APC: variants seen among roughly 807,000 people sequenced by gnomAD.
APC encodes the protein adenomatous polyposis coli protein.
A neutral mutation model predicts 247.0 loss-of-function variants in APC; 72 were observed. That is an observed-to-expected ratio of 0.29 (90% CI 0.24 to 0.35). The LOEUF is 0.35. APC is among the 10% of genes least tolerant of loss of function. APC has a pLI of 1.00. For synonymous variants in APC, 1,254 were observed against 1,162.5 expected, an observed-to-expected ratio of 1.08 and a Z score of -1.60; for missense variants, 3,400 against 3,360.7, an observed-to-expected ratio of 1.01 and a Z score of -0.29.
intron 1 of APC, among the ~76,000 whole-genome samples, chr5:112,744,961 T>G (rs889312447): frequency 6.6e-5 from 10 of 152,164 alleles, no homozygotes; most frequent in African/African-American, 1.9e-4. Context: ...AACTCAAAAA[T>G]GAGTAACACC....
intron 1 of APC, among the ~76,000 whole-genome samples, chr5:112,716,044 T>C (rs1751153134): frequency 1.3e-5 from 2 of 152,186 alleles, no homozygotes; most frequent in Non-Finnish European, 2.9e-5. Context: ...ATCAGTAGTC[T>C]TTCCAGAGAA....
intron 1 of APC, among the ~76,000 whole-genome samples, chr5:112,709,731 A>G (rs1750739808): frequency 6.6e-6 from 1 of 152,012 alleles, no homozygotes; most frequent in African/African-American, 2.4e-5. Flanking sequence ...GCAAAGCCTC[A>G]TCTGTACAAA....
chr5:112,789,857 AT>A (rs71626674), intron 6 of APC, among the ~76,000 whole-genome samples: 10,104 of 147,210 alleles, frequency 0.069, 671 homozygotes, highest in African/African-American at 0.17. Flanking sequence ...CTTAAAGAAT[AT>A]TTTTTTTTTT....
chr5:112,761,012 T>C (rs559655256), intron 2 of APC, among the ~76,000 whole-genome samples: 1 of 152,276 alleles, frequency 6.6e-6, no homozygotes. Flanking sequence ...GGTTTCACTG[T>C]GTTAGCCAGG....
intron 4 of APC, among the ~76,000 whole-genome samples, chr5:112,768,372 A>G (rs1756609329): frequency 6.6e-6 from 1 of 151,904 alleles, no homozygotes; most frequent in East Asian, 1.9e-4. Context: ...CCAAAAAAAA[A>G]AAAAGAAAAA....
upstream of APC, among the ~76,000 whole-genome samples, chr5:112,734,182 G>C (rs1355547431): frequency 6.6e-6 from 1 of 152,168 alleles, no homozygotes; most frequent in African/African-American, 2.4e-5. Context: ...GACAGAGCAA[G>C]ACCTCGTCCC....
chr5:112,791,032 CATAT>C (rs1759527863), intron 6 of APC, among the ~76,000 whole-genome samples: 2 of 152,098 alleles, frequency 1.3e-5, no homozygotes, highest in African/African-American at 4.8e-5. Context: ...GTTTTTAAAA[CATAT>C]GTGTTTGATT....
At chr5:112,715,569 T>G (rs952138220) in intron 1 of APC, among the ~76,000 whole-genome samples, 1 of 152,180 alleles carries the variant, frequency 6.6e-6, no homozygotes, top group Non-Finnish European at 1.5e-5. Context: ...TTGTGTATAG[T>G]TGGAATGAAT....
rs1766174382 is a variant in APC at position 112,841,853 on chromosome 5, G to T, written c.6259G>T (p.Asp2087Tyr). 6.2e-7 allele frequency: 1 copy of T among 1,613,528 alleles called. No individual in the cohort carries two copies. Among genetic ancestry groups the T allele is most frequent in the Non-Finnish European group, 8.5e-7 (1 of 1,179,520 alleles). The change falls in exon 16 of 16, where the codon GAT becomes TAT. Residue 2087 changes from aspartate to tyrosine, a missense_variant. Transcript: ENST00000257430. The surrounding 1 kb of genome is among the most constrained non-coding windows in gnomAD (Gnocchi z 4.6). ...TLDLKDIQRP[D>Y]SEHGLSPDSE... is the part of the protein sequence containing the mutation. ...TGATTTGAAAGATATACAGAGACCA[G>T]ATTCAGAACATGGTCTATCCCCTGA...
At chr5:112,805,451 A>G (rs1761276399) in intron 8 of APC, among the ~76,000 whole-genome samples, 1 of 152,194 alleles carries the variant, frequency 6.6e-6, no homozygotes, top group South Asian at 2.1e-4. Context: ...GGTAAACATA[A>G]GTATGTTTGT....
At chr5:112,734,787 G>T (rs891989002), upstream of APC, among the ~76,000 whole-genome samples, 1 of 115,746 alleles carries the variant, frequency 8.6e-6, no homozygotes, top group East Asian at 3.4e-4. Flanking sequence ...TTGTGTGTGT[G>T]TGTGTGTTTT....
intron 2 of APC, among the ~76,000 whole-genome samples, chr5:112,762,229 C>G (rs1333937747): frequency 6.6e-6 from 1 of 152,144 alleles, no homozygotes; most frequent in Non-Finnish European, 1.5e-5. Context: ...CTGATCACAC[C>G]AAATGTGGAG....
intron 4 of APC, 105 bp from the exon 5 acceptor site, chr5:112,775,524 A>T (rs1757527462): frequency 3.0e-6 from 2 of 657,782 alleles, no homozygotes; most frequent in Admixed American, 2.8e-5. Context: ...CATTATTAGC[A>T]CTTTAGGTAG....
At chr5:112,787,863 C>T (rs979778459) in intron 6 of APC, among the ~76,000 whole-genome samples, 12 of 152,024 alleles carry the variant, frequency 7.9e-5, no homozygotes, top group African/African-American at 2.9e-4. Flanking sequence ...CTCCTTAATT[C>T]ATCTTGAGTT....
intron 2 of APC, among the ~76,000 whole-genome samples, chr5:112,764,087 A>T (rs1755984382): frequency 6.6e-6 from 1 of 151,910 alleles, no homozygotes; most frequent in Non-Finnish European, 1.5e-5. Flanking sequence ...CTAAAAAAAA[A>T]AAAAAAAAAT....
chr5:112,723,166 A>T (rs1426712960), intron 1 of APC, among the ~76,000 whole-genome samples: 3 of 152,004 alleles, frequency 2.0e-5, no homozygotes, highest in African/African-American at 7.2e-5. Context: ...GGACTATAAT[A>T]AGCATTATAG....
intron 15 of APC, among the ~76,000 whole-genome samples, chr5:112,836,688 A>AT (rs1222295657): frequency 6.6e-6 from 1 of 152,120 alleles, no homozygotes; most frequent in Non-Finnish European, 1.5e-5. Context: ...ACAGTCTGCC[A>AT]AAGAGCAGTT....
intron 8 of APC, among the ~76,000 whole-genome samples, chr5:112,806,722 G>T (rs78710051): frequency 0.055 from 8,369 of 152,110 alleles, 443 homozygotes; most frequent in East Asian, 0.14. Flanking sequence ...GACCACAGGT[G>T]CACACCACTG....
At position 112,722,720 on chromosome 5, in the gene APC, CA is replaced by C. The variant is rs144494316; in HGVS notation, c.165+14840del. Among the ~76,000 whole-genome samples the C allele has an allele frequency of 2.3e-3, 351 of 152,038 alleles. 2 individuals carry two copies. The highest frequency in any genetic ancestry group is 8.0e-3 in the African/African-American group (333 of 41,488). ...TACTGGTTTACTATAAAGCATATTA[CA>C]AGGGATGCAGAAGAAGAGATGCACA... On this transcript the variant is annotated intron_variant, in intron 1 of 13. Coordinates refer to the APC transcript ENST00000507379.
Sources: gnomAD v4.1 joint callset for allele counts (sites outside exome capture counted in the v4.1 genomes callset) on GRCh38, gnomAD v4.1.1 for gene constraint, Gnocchi (gnomAD v3.1) non-coding constraint, MANE v1.5 for transcripts, NCBI Gene and HGNC (gene_info 2026-07-23, HGNC 2026-07-21) for gene names.